The following TADA2A variants were observed in gnomAD, a reference collection of about 807,000 sequenced individuals.
The protein encoded by TADA2A is transcriptional adaptor 2A.
In TADA2A, 38 loss-of-function variants were observed where a neutral mutation model predicts 67.4. The ratio of observed to expected loss-of-function variants is 0.56; its 90% CI spans 0.44 to 0.74. The LOEUF (loss-of-function observed/expected upper bound fraction) is 0.74. Ranked by LOEUF, TADA2A falls within the 30% of genes least tolerant of loss-of-function variation. The pLI is 0.00. For synonymous variants in TADA2A, 192 were observed against 181.6 expected (o/e 1.06, Z -0.46); for missense variants, 454 against 547.0 (o/e 0.83, Z 1.70).
At chr17:37,408,629 G>T (rs1411522295) in intron 1 of TADA2A, 2 of 152,222 alleles carry the variant, frequency 1.3e-5, no homozygotes, top group Admixed American at 6.5e-5. Context: ...GAGCTTGCTT[G>T]CTTTTGAAAA....
chr17:37,430,930 A>C (rs1568145393), intron 4 of TADA2A, among the ~76,000 whole-genome samples: 2 of 152,144 alleles, frequency 1.3e-5, no homozygotes. Flanking sequence ...TTTAGTATAG[A>C]TATAGACTCT....
intron 4 of TADA2A, among the ~76,000 whole-genome samples, chr17:37,434,811 C>T (rs1381230148): frequency 6.1e-5 from 1 of 16,316 alleles, no homozygotes; most frequent in Non-Finnish European, 1.0e-4. Flanking sequence ...TCCCTAGCAT[C>T]CTCTACATAT....
chr17:37,429,095 G>A (rs926583226), intron 4 of TADA2A, among the ~76,000 whole-genome samples: 1 of 151,700 alleles, frequency 6.6e-6, no homozygotes, highest in African/African-American at 2.4e-5. Context: ...GGGGTCTAGG[G>A]GCCTTTCTAT....
rs200179922 is a variant in TADA2A at position 37,455,364 on chromosome 17, T to TTTTGTTTGTTTG, written c.605-3140_605-3129dup. 4.1e-4 allele frequency among the ~76,000 whole-genome samples: 34 copies of TTTTGTTTGTTTG among 83,690 alleles called. 1 individual carries two copies. The highest frequency in any genetic ancestry group is 7.1e-4 in the Non-Finnish European group (28 of 39,200). The allele number at this position is 83,690 out of a possible 152,430, so 54.9% of individuals were successfully genotyped here. ...AGTTTTTTGCTTCTGAAGTTTGTTTTTTTGTTTGTTTGTTTGTTTGTTTGT... is the reference window on the plus strand; with the variant it reads ...AGTTTTTTGCTTCTGAAGTTTGTTTTTTTGTTTGTTTGTTTGTTTGTTTGTTTGTTTGTTTGT... On this transcript the variant is annotated intron_variant, in intron 8 of 15. Transcript: ENST00000615182.
At chr17:37,462,036 A>G in intron 9 of TADA2A, 42 bp from the exon 10 acceptor site, 1 of 1,440,516 alleles carries the variant, frequency 6.9e-7, no homozygotes, top group Non-Finnish European at 9.7e-7. Flanking sequence ...GTAAATGTGA[A>G]AATAATTCTA....
At chr17:37,447,135 A>C (rs2053105042) in intron 8 of TADA2A, among the ~76,000 whole-genome samples, 1 of 152,156 alleles carries the variant, frequency 6.6e-6, no homozygotes, top group South Asian at 2.1e-4. Context: ...CCCCATAGTA[A>C]ACTGTAAGAT....
rs1414543432 is a variant in TADA2A, at chr17:37,411,356, C to T, written c.-10C>T. ...GGAAGACCAAAGCAGCACTCGTTGC[C>T]AATTAGGGAATGGACCGTTTGGGTT... On this transcript the variant is annotated 5_prime_UTR_variant, in exon 2 of 16. Coordinates refer to ENST00000615182, the MANE Select transcript of TADA2A (RefSeq NM_001166105.3). 1 of 1,613,768 alleles carries T rather than the reference C, an allele frequency of 6.2e-7. No homozygotes were observed.
intron 4 of TADA2A, among the ~76,000 whole-genome samples, chr17:37,427,787 C>T (rs1365857890): frequency 6.6e-6 from 1 of 152,098 alleles, no homozygotes; most frequent in Non-Finnish European, 1.5e-5. Flanking sequence ...CAAGACCAGC[C>T]TAGCCAATAT....
At chr17:37,409,564 C>G (rs868121572) in intron 1 of TADA2A, among the ~76,000 whole-genome samples, 2 of 151,544 alleles carry the variant, frequency 1.3e-5, no homozygotes, top group Admixed American at 1.3e-4. Flanking sequence ...GTCAGGAGTT[C>G]GAGACCAGCC....
intron 2 of TADA2A, among the ~76,000 whole-genome samples, chr17:37,413,744 T>A (rs2051951382): frequency 6.6e-6 from 1 of 151,970 alleles, no homozygotes; most frequent in South Asian, 2.1e-4. Flanking sequence ...AAAAAGATGA[T>A]TCCCCCCCCA....
intron 2 of TADA2A, among the ~76,000 whole-genome samples, chr17:37,416,215 T>G (rs1010969383): frequency 2.7e-5 from 4 of 150,756 alleles, no homozygotes; most frequent in African/African-American, 4.9e-5. Flanking sequence ...GTCTCCCGGG[T>G]TCAAGCGATT....
At position 37,476,860 on chromosome 17, in the gene TADA2A, G is replaced by A; in HGVS notation, c.1210G>A (p.Glu404Lys). ...YLEYKSALLN[E>K]CNKQGGLRLA... Reference sequence around the variant, plus strand: ...AGAATACAAATCTGCTCTATTGAACGAATGTAACAAGCAAGGAGGCTTAAG... The same window carrying A: ...AGAATACAAATCTGCTCTATTGAACAAATGTAACAAGCAAGGAGGCTTAAG... Residue 404 changes from glutamate to lysine, a missense_variant, in exon 16 of 16, where the codon GAA (glutamate) becomes AAA (lysine). Physicochemically the swap from Glu to Lys is moderately conservative, Grantham distance 56 (BLOSUM62 1). Transcript: ENST00000615182. 2.5e-6 allele frequency: 4 copies of A among 1,614,172 alleles called. No individual in the cohort carries two copies. Among genetic ancestry groups the A allele is most frequent in the South Asian group, 1.1e-5 (1 of 91,084 alleles).
chr17:37,441,272 A>G (rs2052909125), intron 6 of TADA2A, among the ~76,000 whole-genome samples: 1 of 152,308 alleles, frequency 6.6e-6, no homozygotes, highest in East Asian at 1.9e-4. Flanking sequence ...ATAAGATGTC[A>G]AAAAGGGAAA....
At position 37,423,753 on chromosome 17, in the gene TADA2A, T is replaced by C. The variant is rs1301027160; in HGVS notation, c.132+138T>C. 14 of 15,812 alleles carry C rather than the reference T, an allele frequency of 8.9e-4. No individual in the cohort carries two copies. In the African/African-American group the frequency reaches 9.1e-3, roughly 10 times the overall value. 1.0% of individuals were successfully genotyped at this position (15,812 alleles called of 1,614,324 possible). A position where few individuals can be genotyped will look rare whatever the true frequency, so the allele number is the denominator to read the frequency against. ...TCCTTCCAATTTTTCTTTTTCTTTC[T>C]TTTTTTTTTTTTTTGAGATGGAGTC... is the stretch of plus-strand genomic sequence containing the variant. On this transcript the variant is annotated intron_variant, in intron 3 of 15. Transcript: ENST00000615182.
rs2052888570 is a variant in TADA2A, at chr17:37,440,671, C to T, written c.442+9C>T. 1.9e-6 allele frequency: 3 copies of T among 1,613,956 alleles called. No homozygotes were observed. Among genetic ancestry groups the T allele is most frequent in the Admixed American group, 1.7e-5 (1 of 59,980 alleles). ...AGCCATTCCATTTCACTGTAAGTGC[C>T]TCCCTATCTTGATAAGATATACTTA... On this transcript the variant is annotated intron_variant, in intron 6 of 15. Coordinates refer to ENST00000615182, the MANE Select transcript of TADA2A (RefSeq NM_001166105.3).
chr17:37,439,930 A>T (rs868677104), intron 5 of TADA2A, among the ~76,000 whole-genome samples: 8,213 of 111,308 alleles, frequency 0.074, 671 homozygotes, highest in African/African-American at 0.22. Context: ...TTATTTATTT[A>T]TTTATTTATT....
At chr17:37,427,901 G>GAA (rs1031898663) in intron 4 of TADA2A, among the ~76,000 whole-genome samples, 2 of 151,876 alleles carry the variant, frequency 1.3e-5, no homozygotes, top group African/African-American at 4.8e-5. Flanking sequence ...AGAATCGCTT[G>GAA]AACCCAGGAG....
At chr17:37,452,905 G>A (rs11869707) in intron 8 of TADA2A, among the ~76,000 whole-genome samples, 6,956 of 152,128 alleles carry the variant, frequency 0.046, 508 homozygotes, top group African/African-American at 0.15. Flanking sequence ...TGTTAGAAAT[G>A]AACAAAAAGA....
chr17:37,417,051 A>G lies in TADA2A; in HGVS notation c.25+5661A>G, dbSNP rs558840712. Among the ~76,000 whole-genome samples the G allele has an allele frequency of 5.3e-5, 8 of 152,208 alleles. No individual in the cohort carries two copies. In the South Asian group the frequency reaches 1.7e-3, roughly 32 times the overall value. ...CTGTACACTCAACAATTTTAGTTCT[A>G]GGAAAATATATATCCTGAGGAACAG... On this transcript the variant is annotated intron_variant, in intron 2 of 15. Coordinates refer to ENST00000615182, the MANE Select transcript of TADA2A (RefSeq NM_001166105.3).
Sources: allele counts gnomAD v4.1 joint callset (sites outside exome capture counted in the v4.1 genomes callset), GRCh38; gene constraint gnomAD v4.1.1; transcripts MANE v1.5; gene names NCBI Gene and HGNC (gene_info 2026-07-23, HGNC 2026-07-21).